The following AEBP2 variants were observed in gnomAD, a reference collection of about 807,000 sequenced individuals.
AEBP2 encodes AE binding protein 2.
AEBP2 carries 10 observed loss-of-function variants against 50.8 expected under a neutral mutation model. The ratio of observed to expected loss-of-function variants is 0.20; its 90% CI spans 0.12 to 0.33. The LOEUF is 0.33. AEBP2 is among the 10% of genes least tolerant of loss of function. The pLI is 1.00. For synonymous variants in AEBP2, 296 were observed against 261.3 expected, an observed-to-expected ratio of 1.13 and a Z score of -1.28; for missense variants, 570 against 688.0, an observed-to-expected ratio of 0.83 and a Z score of 1.92.
rs571831268 is a variant in AEBP2, at chr12:19,506,256, T to G, written c.1299+6035T>G. Among the ~76,000 whole-genome samples the G allele has an allele frequency of 4.1e-4, 62 of 152,116 alleles. No individual in the cohort carries two copies. In the South Asian group the frequency reaches 8.9e-3, roughly 22 times the overall value. ...GGACTGTACTAAATTAGCGTCCCCA[T>G]GCCCAGCTAATTTTTGTATTTTTAG... On this transcript the variant is annotated intron_variant, in intron 5 of 7. Coordinates refer to ENST00000266508, the MANE Select transcript of AEBP2 (RefSeq NM_153207.5).
intron 7 of AEBP2, 57 bp downstream of exon 7, chr12:19,514,841 A>G (rs1949295595): frequency 2.2e-6 from 3 of 1,348,010 alleles, no homozygotes; most frequent in African/African-American, 1.5e-5. Context: ...TCTCTCCCCA[A>G]ATTTTGGATA....
intron 5 of AEBP2, among the ~76,000 whole-genome samples, chr12:19,504,405 T>A (rs536406460): frequency 0.018 from 2,703 of 150,362 alleles, 30 homozygotes; most frequent in East Asian, 0.032. Flanking sequence ...CCTGGCTAAT[T>A]TTTTTGTATT....
At chr12:19,440,581 A>T in intron 1 of AEBP2, 1 of 1,431,614 alleles carries the variant, frequency 7.0e-7, no homozygotes, top group East Asian at 2.6e-5. Context: ...GTTCCCCCCC[A>T]ACTCTCCTTT....
chr12:19,514,248 C>G (rs556961126), intron 6 of AEBP2, among the ~76,000 whole-genome samples: 4 of 152,156 alleles, frequency 2.6e-5, no homozygotes, highest in African/African-American at 4.8e-5. Context: ...TATCTTCCCC[C>G]CTTGGCCTCC....
rs1342484291 is a variant in AEBP2 at position 19,520,974 on chromosome 12, G to A, written c.*2857G>A. 1 of 152,132 alleles carries A rather than the reference G, an allele frequency of 6.6e-6. No homozygotes were observed. Among genetic ancestry groups the A allele is most frequent in the Non-Finnish European group, 1.5e-5 (1 of 68,024 alleles). 9.4% of individuals were successfully genotyped at this position (152,132 alleles called of 1,614,324 possible). A position where few individuals can be genotyped will look rare whatever the true frequency, so the allele number is the denominator to read the frequency against. On this transcript the variant is annotated 3_prime_UTR_variant, in exon 8 of 8. Coordinates refer to ENST00000266508, the MANE Select transcript of AEBP2 (RefSeq NM_153207.5). ...TTGTATAAAATTACCTTCAGTCTAT[G>A]TGTATAAGGTGTTTGTGAGATATAA...
intron 3 of AEBP2, among the ~76,000 whole-genome samples, chr12:19,484,487 GC>G (rs1215742414): frequency 6.6e-6 from 1 of 151,732 alleles, no homozygotes; most frequent in African/African-American, 2.4e-5. Flanking sequence ...TGATTCTCCT[GC>G]CTCAGCCTCC....
intron 1 of AEBP2, among the ~76,000 whole-genome samples, chr12:19,420,218 G>T (rs1242215761): frequency 6.6e-6 from 1 of 150,714 alleles, no homozygotes; most frequent in Non-Finnish European, 1.5e-5. Flanking sequence ...TAGTAGAGAC[G>T]GGGTTTCACC....
chr12:19,517,308 A>C (rs562119115), intron 7 of AEBP2, among the ~76,000 whole-genome samples: 7 of 152,318 alleles, frequency 4.6e-5, no homozygotes, highest in Middle Eastern at 3.4e-3. Flanking sequence ...CTTCTGCAAA[A>C]TAGATATATT....
At position 19,518,216 on chromosome 12, in the gene AEBP2, T is replaced by C; in HGVS notation, c.*99T>C. 7.7e-7 allele frequency: 1 copy of C among 1,305,104 alleles called. No individual in the cohort carries two copies. The highest frequency in any genetic ancestry group is 9.7e-7 in the Non-Finnish European group (1 of 1,028,050). 80.8% of individuals were successfully genotyped at this position (1,305,104 alleles called of 1,614,324 possible). On this transcript the variant is annotated 3_prime_UTR_variant, in exon 8 of 8. Transcript: ENST00000266508. ...AAAGTTGCACATTAGAGTCAACCCC[T>C]TCTTTTTTTTTTTTTTTTTTTTAAA...
chr12:19,475,464 G>GTGTATATA lies in AEBP2; in HGVS notation c.987+2110_987+2111insGTATATAT, dbSNP rs879624624. ...TATGTATGTATGTGTGTATGTGTGT[G>GTGTATATA]TATATATATATATACTGCATTTTCT... On this transcript the variant is annotated intron_variant, in intron 3 of 7. Transcript: ENST00000266508. Among the ~76,000 whole-genome samples, 11 of 150,876 alleles carry GTGTATATA rather than the reference G, an allele frequency of 7.3e-5. No homozygotes were observed. The East Asian group carries it at 1.4e-3, about 19-fold the overall frequency.
intron 3 of AEBP2, among the ~76,000 whole-genome samples, chr12:19,476,720 T>A (rs765453056): frequency 1.7e-4 from 26 of 152,224 alleles, no homozygotes; most frequent in Non-Finnish European, 3.1e-4. Flanking sequence ...AAGCATAGCC[T>A]TGCAGTATAA....
At chr12:19,433,610 T>C (rs1304262756) in intron 1 of AEBP2, among the ~76,000 whole-genome samples, 4 of 151,576 alleles carry the variant, frequency 2.6e-5, no homozygotes, top group Non-Finnish European at 5.9e-5. Context: ...TGAAACCCCA[T>C]CTCTATTAAA....
At chr12:19,433,703 C>T (rs111684930) in intron 1 of AEBP2, among the ~76,000 whole-genome samples, 3,386 of 151,196 alleles carry the variant, frequency 0.022, 47 homozygotes, top group East Asian at 0.044. Flanking sequence ...TCACTTGAAC[C>T]GTGGGTGGAA....
intron 2 of AEBP2, among the ~76,000 whole-genome samples, chr12:19,465,099 G>A (rs1285039407): frequency 6.6e-6 from 1 of 151,984 alleles, no homozygotes; most frequent in Non-Finnish European, 1.5e-5. Context: ...CTGATTTTAA[G>A]AGTGATGCTG....
At chr12:19,457,192 AGTT>A in intron 1 of AEBP2, 1 of 1,597,980 alleles carries the variant, frequency 6.3e-7, no homozygotes, top group East Asian at 2.2e-5. Flanking sequence ...ACCGACAATT[AGTT>A]GTTTCACACC....
At chr12:19,499,964 T>G in intron 4 of AEBP2, 133 bp from the exon 5 acceptor site, 1 of 885,834 alleles carries the variant, frequency 1.1e-6, no homozygotes. Context: ...CTAGAGTCCA[T>G]GTTTTGTAAG....
chr12:19,491,776 T>G (rs1490377445), intron 3 of AEBP2, among the ~76,000 whole-genome samples: 1 of 152,132 alleles, frequency 6.6e-6, no homozygotes, highest in East Asian at 1.9e-4. Flanking sequence ...CTTAGTAATA[T>G]CTATGATTTG....
chr12:19,436,597 T>TTTTG (rs199754436), upstream of AEBP2, among the ~76,000 whole-genome samples: 6 of 146,026 alleles, frequency 4.1e-5, no homozygotes, highest in African/African-American at 1.3e-4. Context: ...CTTTTTTTTT[T>TTTTG]GGGGGGGGGA....
chr12:19,429,849 T>G (rs1396213197), intron 1 of AEBP2, among the ~76,000 whole-genome samples: 1 of 152,162 alleles, frequency 6.6e-6, no homozygotes, highest in Non-Finnish European at 1.5e-5. Context: ...GTAAATTTGT[T>G]TGAGTTCATT....
Sources: gnomAD v4.1 joint callset for allele counts (sites outside exome capture counted in the v4.1 genomes callset) on GRCh38, gnomAD v4.1.1 for gene constraint, MANE v1.5 for transcripts, NCBI Gene and HGNC (gene_info 2026-07-23, HGNC 2026-07-21) for gene names.